The following NRG3 variants were observed in gnomAD, a reference collection of about 807,000 sequenced individuals.
NRG3 encodes the protein pro-neuregulin-3, membrane-bound isoform.
NRG3 carries 31 observed loss-of-function variants against 66.9 expected under a neutral mutation model. The observed-to-expected ratio is 0.46, with a 90% CI of 0.35 to 0.63. The LOEUF (loss-of-function observed/expected upper bound fraction) is 0.63, where lower values mean the gene tolerates loss of function less well. NRG3 is among the 20% of genes least tolerant of loss of function. The probability of loss-of-function intolerance (pLI) is 0.00; values close to 1 mark genes in which losing one functional copy is unlikely to be tolerated. For synonymous variants in NRG3, 393 were observed against 359.4 expected (o/e 1.09, Z -1.06); for missense variants, 910 against 878.9 (o/e 1.04, Z -0.45).
intron 1 of NRG3, among the ~76,000 whole-genome samples, chr10:82,004,034 CAG>C (rs1166423702): frequency 4.1e-5 from 6 of 146,542 alleles, no homozygotes; most frequent in South Asian, 2.2e-4. Context: ...CACACACACA[CAG>C]ATACCTTAGA....
At chr10:82,824,741 G>A (rs541709853) in intron 3 of NRG3, among the ~76,000 whole-genome samples, 2 of 148,754 alleles carry the variant, frequency 1.3e-5, no homozygotes, top group Non-Finnish European at 3.0e-5. Context: ...TTTTGAGGCA[G>A]GGTCTCACTC....
intron 1 of NRG3, among the ~76,000 whole-genome samples, chr10:82,022,051 A>G (rs1035386634): frequency 9.9e-5 from 15 of 152,016 alleles, no homozygotes; most frequent in African/African-American, 3.6e-4. Flanking sequence ...CAAATTCTGA[A>G]TGGGCATCAC....
intron 2 of NRG3, among the ~76,000 whole-genome samples, chr10:82,720,219 A>G (rs915023644): frequency 6.6e-6 from 1 of 152,042 alleles, no homozygotes; most frequent in Non-Finnish European, 1.5e-5. Context: ...GCAAAACCCC[A>G]TCTCTACTAA....
chr10:82,888,340 TGTTGAG>T (rs1303248669), intron 4 of NRG3, among the ~76,000 whole-genome samples: 10 of 152,166 alleles, frequency 6.6e-5, no homozygotes, highest in Non-Finnish European at 1.5e-4. Flanking sequence ...TGATCAAATA[TGTTGAG>T]GGATTCCTGG....
intron 2 of NRG3, among the ~76,000 whole-genome samples, chr10:82,674,503 A>C (rs2053524587): frequency 6.6e-6 from 1 of 152,174 alleles, no homozygotes; most frequent in African/African-American, 2.4e-5. Context: ...CTGACACTTA[A>C]ACATGGCTTA....
At chr10:82,363,487 G>T (rs894253789) in intron 2 of NRG3, among the ~76,000 whole-genome samples, 4 of 152,042 alleles carry the variant, frequency 2.6e-5, no homozygotes, top group Non-Finnish European at 5.9e-5. Context: ...ACGGAGTCTC[G>T]CTCTGTCACC....
At position 81,977,451 on chromosome 10, in the gene NRG3, C is replaced by T. The variant is rs183122060; in HGVS notation, c.823+101288C>T. On this transcript the variant is annotated intron_variant, in intron 1 of 8. Transcript: ENST00000372141. ...TATTTCGTATTTATTATTTTATAGG[C>T]TTAAAGTAGACAATTTTGTTCTGTG... Among the ~76,000 whole-genome samples, 29 of 152,228 alleles carry T rather than the reference C, an allele frequency of 1.9e-4. No individual in the cohort carries two copies. In the East Asian group the frequency reaches 4.4e-3, roughly 23 times the overall value.
At chr10:82,409,249 C>A (rs1449159786) in intron 2 of NRG3, among the ~76,000 whole-genome samples, 2 of 152,128 alleles carry the variant, frequency 1.3e-5, no homozygotes, top group Non-Finnish European at 2.9e-5. Context: ...AAGAACACTT[C>A]ATTAATATAT....
intron 2 of NRG3, among the ~76,000 whole-genome samples, chr10:82,437,705 T>G (rs2090216405): frequency 6.6e-6 from 1 of 152,152 alleles, no homozygotes; most frequent in Non-Finnish European, 1.5e-5. Context: ...TTGCTGATCC[T>G]TGGATGGGGT....
chr10:82,606,017 T>G (rs2047941470), intron 2 of NRG3, among the ~76,000 whole-genome samples: 1 of 152,126 alleles, frequency 6.6e-6, no homozygotes, highest in African/African-American at 2.4e-5. Context: ...TTTCCCATTG[T>G]CACTTTCATC....
At chr10:82,711,725 A>G (rs750133048) in intron 2 of NRG3, among the ~76,000 whole-genome samples, 7 of 152,008 alleles carry the variant, frequency 4.6e-5, no homozygotes, top group Non-Finnish European at 1.0e-4. Context: ...TCTGTTCTCT[A>G]CTATTGGTCT....
intron 2 of NRG3, among the ~76,000 whole-genome samples, chr10:82,494,959 G>A (rs1226112370): frequency 6.8e-6 from 1 of 147,792 alleles, no homozygotes; most frequent in African/African-American, 2.5e-5. Context: ...TTTAATTTTT[G>A]AGACAGTGTC....
chr10:82,046,671 T>A (rs1463682200), intron 1 of NRG3, among the ~76,000 whole-genome samples: 2 of 45,294 alleles, frequency 4.4e-5, no homozygotes, highest in African/African-American at 8.8e-5. Context: ...ATGCTTCCAG[T>A]TTTTGCCCAT....
At chr10:81,937,472 T>A (rs1014425935) in intron 1 of NRG3, among the ~76,000 whole-genome samples, 1 of 152,152 alleles carries the variant, frequency 6.6e-6, no homozygotes, top group Non-Finnish European at 1.5e-5. Context: ...TGATATCTCA[T>A]TGTGGTTTTG....
chr10:82,542,151 C>T (rs775582582), intron 2 of NRG3, among the ~76,000 whole-genome samples: 15 of 152,100 alleles, frequency 9.9e-5, no homozygotes, highest in Non-Finnish European at 1.8e-4. Flanking sequence ...TCAACTCCCA[C>T]TTATGAATGA....
chr10:82,314,667 G>A (rs1408658325), intron 1 of NRG3, among the ~76,000 whole-genome samples: 5 of 151,860 alleles, frequency 3.3e-5, no homozygotes, highest in African/African-American at 7.3e-5. Context: ...AAAATTAGCC[G>A]GGCATGGTGG....
chr10:82,513,542 AACTG>A (rs1845390758), intron 2 of NRG3, among the ~76,000 whole-genome samples: 1 of 152,172 alleles, frequency 6.6e-6, no homozygotes, highest in Non-Finnish European at 1.5e-5. Context: ...CCAATGGTTG[AACTG>A]ACTTACATTC....
intron 2 of NRG3, among the ~76,000 whole-genome samples, chr10:82,414,585 TAAA>T (rs1479423392): frequency 2.0e-5 from 3 of 152,108 alleles, no homozygotes; most frequent in Non-Finnish European, 4.4e-5. Context: ...CTTTAATTTG[TAAA>T]AAACTCAGTA....
chr10:82,571,415 G>A (rs1203708107), intron 2 of NRG3, among the ~76,000 whole-genome samples: 1 of 151,582 alleles, frequency 6.6e-6, no homozygotes, highest in Non-Finnish European at 1.5e-5. Context: ...TCTAGGTTAT[G>A]GAGCAGTATT....
Sources: allele counts gnomAD v4.1 joint callset (sites outside exome capture counted in the v4.1 genomes callset), GRCh38; gene constraint gnomAD v4.1.1; transcripts MANE v1.5; gene names NCBI Gene and HGNC (gene_info 2026-07-23, HGNC 2026-07-21).